The following ST6GALNAC3 variants were observed in gnomAD, a reference collection of about 807,000 sequenced individuals.
ST6GALNAC3 encodes the protein ST6 N-acetylgalactosaminide alpha-2,6-sialyltransferase 3.
A neutral mutation model predicts 32.7 loss-of-function variants in ST6GALNAC3; 25 were observed. The ratio of observed to expected loss-of-function variants is 0.76; its 90% confidence interval spans 0.56 to 1.07. The LOEUF is 1.07. Among genes scored for constraint, ST6GALNAC3 ranks in the 50% least tolerant of loss-of-function variants. ST6GALNAC3 has a pLI of 0.00. For missense variants in ST6GALNAC3, 355 were observed against 382.4 expected, an observed-to-expected ratio of 0.93 and a Z score of 0.60; for synonymous variants, 129 against 133.1, an observed-to-expected ratio of 0.97 and a Z score of 0.21.
chr1:76,491,484 G>C (rs1457602629), intron 3 of ST6GALNAC3, among the ~76,000 whole-genome samples: 2 of 152,050 alleles, frequency 1.3e-5, no homozygotes, highest in East Asian at 3.9e-4. Flanking sequence ...TTCACCCCTG[G>C]CTTCCACATG....
chr1:76,540,753 A>G (rs1005262077), intron 3 of ST6GALNAC3, among the ~76,000 whole-genome samples: 2 of 152,212 alleles, frequency 1.3e-5, no homozygotes, highest in Non-Finnish European at 2.9e-5. Context: ...AAAAATCTCA[A>G]GTCCTATACA....
chr1:76,500,337 A>G (rs1301907378), intron 3 of ST6GALNAC3, among the ~76,000 whole-genome samples: 9 of 152,158 alleles, frequency 5.9e-5, no homozygotes, highest in Non-Finnish European at 2.9e-5. Context: ...GTTACTTGAG[A>G]TACAGCATTT....
At chr1:76,287,426 G>A (rs969872730) in intron 1 of ST6GALNAC3, among the ~76,000 whole-genome samples, 1 of 142,858 alleles carries the variant, frequency 7.0e-6, no homozygotes, top group Middle Eastern at 3.8e-3. Context: ...CACCAGCTGA[G>A]TGTGGGATGG....
chr1:76,253,588 G>A (rs758055538), intron 1 of ST6GALNAC3, among the ~76,000 whole-genome samples: 4 of 152,084 alleles, frequency 2.6e-5, no homozygotes, highest in African/African-American at 4.8e-5. Flanking sequence ...ATTCAGTCAC[G>A]TAGATCATTC....
At chr1:76,239,788 G>A (rs780202480) in intron 1 of ST6GALNAC3, among the ~76,000 whole-genome samples, 3 of 152,104 alleles carry the variant, frequency 2.0e-5, no homozygotes, top group South Asian at 2.1e-4. Context: ...TATATGGTAC[G>A]GAAACATCAA....
intron 1 of ST6GALNAC3, among the ~76,000 whole-genome samples, chr1:76,086,615 C>T (rs916452124): frequency 2.6e-5 from 4 of 152,088 alleles, no homozygotes; most frequent in Admixed American, 6.6e-5. Flanking sequence ...TTGCAGGGAT[C>T]GTTAGCTAGA....
intron 3 of ST6GALNAC3, among the ~76,000 whole-genome samples, chr1:76,600,040 C>A (rs997712837): frequency 6.6e-6 from 1 of 152,060 alleles, no homozygotes; most frequent in Admixed American, 6.6e-5. Flanking sequence ...ATATTAAAAT[C>A]TTGCCTCCCT....
intron 3 of ST6GALNAC3, among the ~76,000 whole-genome samples, chr1:76,528,716 A>T (rs1442212315): frequency 6.6e-6 from 1 of 151,794 alleles, no homozygotes; most frequent in Non-Finnish European, 1.5e-5. Context: ...ATCAGCATCC[A>T]TGCCTGAAGT....
At chr1:76,517,427 TTA>T (rs765815488) in intron 3 of ST6GALNAC3, among the ~76,000 whole-genome samples, 9 of 151,904 alleles carry the variant, frequency 5.9e-5, no homozygotes, top group Non-Finnish European at 1.3e-4. Flanking sequence ...TATCTAACTT[TTA>T]TATAGTTTTT....
At chr1:76,119,879 T>C (rs1258119489) in intron 1 of ST6GALNAC3, among the ~76,000 whole-genome samples, 1 of 112,774 alleles carries the variant, frequency 8.9e-6, no homozygotes, top group African/African-American at 3.3e-5. Context: ...GGCAGGTCCG[T>C]GGGACTGTAA....
At chr1:76,341,620 T>TC (rs1491353659) in intron 2 of ST6GALNAC3, among the ~76,000 whole-genome samples, 1 of 118,974 alleles carries the variant, frequency 8.4e-6, no homozygotes, top group Non-Finnish European at 1.7e-5. Context: ...TTTCTTTCTT[T>TC]CTTTCTTTCT....
intron 2 of ST6GALNAC3, among the ~76,000 whole-genome samples, chr1:76,375,030 G>A (rs1305815753): frequency 6.6e-6 from 1 of 152,100 alleles, no homozygotes; most frequent in Non-Finnish European, 1.5e-5. Flanking sequence ...TCAAGAGGTT[G>A]CAAATTCCAA....
intron 3 of ST6GALNAC3, among the ~76,000 whole-genome samples, chr1:76,618,732 G>A (rs375479060): frequency 1.4e-4 from 22 of 152,088 alleles, no homozygotes; most frequent in African/African-American, 4.1e-4. Flanking sequence ...CCTTGGATGC[G>A]TTGTTCTCAC....
At chr1:76,505,969 A>G (rs1661456915) in intron 3 of ST6GALNAC3, among the ~76,000 whole-genome samples, 1 of 152,156 alleles carries the variant, frequency 6.6e-6, no homozygotes, top group Non-Finnish European at 1.5e-5. Context: ...AAAAAAGATG[A>G]AATATGTTCA....
chr1:76,101,454 A>G (rs1485743597), intron 1 of ST6GALNAC3, among the ~76,000 whole-genome samples: 2 of 152,188 alleles, frequency 1.3e-5, no homozygotes, highest in African/African-American at 2.4e-5. Context: ...ACTTATAAGT[A>G]CAGTTTCTGT....
chr1:76,613,015 G>T (rs979098578), intron 3 of ST6GALNAC3, among the ~76,000 whole-genome samples: 17 of 152,192 alleles, frequency 1.1e-4, no homozygotes, highest in African/African-American at 4.1e-4. Context: ...GTAAGTGGGT[G>T]CATGGGGGCA....
intron 1 of ST6GALNAC3, among the ~76,000 whole-genome samples, chr1:76,204,933 T>TA (rs1215350006): frequency 6.6e-6 from 1 of 152,206 alleles, no homozygotes; most frequent in Non-Finnish European, 1.5e-5. Flanking sequence ...GATGAATTGA[T>TA]ATATGCAAAT....
intron 3 of ST6GALNAC3, among the ~76,000 whole-genome samples, chr1:76,504,841 A>G (rs1240590169): frequency 6.6e-6 from 1 of 152,184 alleles, no homozygotes; most frequent in African/African-American, 2.4e-5. Context: ...AGTTATTTTA[A>G]TAAGAAGCAT....
At chr1:76,471,867 C>CTT (rs35150035) in intron 3 of ST6GALNAC3, among the ~76,000 whole-genome samples, 2 of 143,962 alleles carry the variant, frequency 1.4e-5, no homozygotes, top group Admixed American at 7.0e-5. Context: ...TTTGGGTCCC[C>CTT]TTTTTTTTTT....
Sources: allele counts gnomAD v4.1 joint callset (sites outside exome capture counted in the v4.1 genomes callset), GRCh38; gene constraint gnomAD v4.1.1; transcripts MANE v1.5; gene names NCBI Gene and HGNC (gene_info 2026-07-23, HGNC 2026-07-21).